The following SEMA3E variants were observed in gnomAD, a reference collection of about 807,000 sequenced individuals.
SEMA3E encodes the protein semaphorin-3E.
SEMA3E carries 49 observed loss-of-function variants against 93.6 expected under a neutral mutation model. The ratio of observed to expected loss-of-function variants is 0.52; its 90% CI spans 0.42 to 0.66. The LOEUF is 0.66. Ranked by LOEUF, SEMA3E falls within the 30% of genes least tolerant of loss-of-function variation. The probability of loss-of-function intolerance (pLI) is 0.00; values close to 1 mark genes in which losing one functional copy is unlikely to be tolerated. For missense variants in SEMA3E, 906 were observed against 964.8 expected, an observed-to-expected ratio of 0.94 and a Z score of 0.81; for synonymous variants, 363 against 330.7, an observed-to-expected ratio of 1.10 and a Z score of -1.06.
intron 4 of SEMA3E, among the ~76,000 whole-genome samples, chr7:83,428,516 AAAT>A (rs1788816753): frequency 2.0e-5 from 3 of 152,320 alleles, no homozygotes; most frequent in Middle Eastern, 3.4e-3. Context: ...TTAATTCTTT[AAAT>A]AATAGCTACA....
intron 1 of SEMA3E, among the ~76,000 whole-genome samples, chr7:83,549,903 T>G (rs1791724833): frequency 6.6e-6 from 1 of 152,088 alleles, no homozygotes; most frequent in South Asian, 2.1e-4. Context: ...AATAATCATA[T>G]TTAGGAGTTT....
intron 4 of SEMA3E, among the ~76,000 whole-genome samples, chr7:83,465,643 C>A (rs1210777971): frequency 6.6e-6 from 1 of 152,100 alleles, no homozygotes; most frequent in South Asian, 2.1e-4. Context: ...AGTCTAGCTG[C>A]TTAACAACAG....
At chr7:83,376,320 A>G (rs965394442) in intron 16 of SEMA3E, among the ~76,000 whole-genome samples, 2 of 152,082 alleles carry the variant, frequency 1.3e-5, no homozygotes, top group African/African-American at 4.8e-5. Context: ...TAACAAACAA[A>G]ATGGTAAAAT....
intron 16 of SEMA3E, among the ~76,000 whole-genome samples, chr7:83,368,943 C>T (rs1048522807): frequency 6.6e-6 from 1 of 152,064 alleles, no homozygotes; most frequent in Non-Finnish European, 1.5e-5. Flanking sequence ...TGTTTCTTGC[C>T]TTAGTTTTCT....
At position 83,435,381 on chromosome 7, in the gene SEMA3E, G is replaced by T. The variant is rs140792085; in HGVS notation, c.457-16898C>A. Among the ~76,000 whole-genome samples, 416 of 152,188 alleles carry T rather than the reference G, an allele frequency of 2.7e-3. 2 individuals carry two copies. The highest frequency in any genetic ancestry group is 8.3e-3 in the African/African-American group (345 of 41,540). ...GGCCAAGGCAGGCAGATCACCTGAG[G>T]TCAGGAGTTCGAGACCAGCCTGGCC... On this transcript the variant is annotated intron_variant, in intron 4 of 16. Coordinates refer to ENST00000643230, the MANE Select transcript of SEMA3E (RefSeq NM_012431.3).
chr7:83,512,611 A>G (rs1790847507), intron 1 of SEMA3E, among the ~76,000 whole-genome samples: 1 of 152,214 alleles, frequency 6.6e-6, no homozygotes, highest in African/African-American at 2.4e-5. Context: ...GTTTAACATT[A>G]ATTTGCACTT....
chr7:83,523,809 G>T (rs1052593760), intron 1 of SEMA3E, among the ~76,000 whole-genome samples: 1 of 151,850 alleles, frequency 6.6e-6, no homozygotes, highest in South Asian at 2.1e-4. Context: ...TAATATACAC[G>T]TATTTTTCTT....
At chr7:83,428,153 T>C (rs1030453383) in intron 4 of SEMA3E, among the ~76,000 whole-genome samples, 1 of 152,348 alleles carries the variant, frequency 6.6e-6, no homozygotes, top group South Asian at 2.1e-4. Flanking sequence ...GAACCCAGAA[T>C]GTCTGTGGTA....
intron 1 of SEMA3E, among the ~76,000 whole-genome samples, chr7:83,508,021 AT>A (rs1226494531): frequency 1.2e-4 from 18 of 152,128 alleles, no homozygotes; most frequent in Admixed American, 9.8e-4. Context: ...AGTACTAAAA[AT>A]AATATAAATT....
chr7:83,433,602 A>G (rs563874379), intron 4 of SEMA3E, among the ~76,000 whole-genome samples: 1 of 152,266 alleles, frequency 6.6e-6, no homozygotes, highest in Admixed American at 6.5e-5. Context: ...CTATTCCATA[A>G]AAATATATCT....
At chr7:83,627,726 G>A (rs566044474) in intron 1 of SEMA3E, among the ~76,000 whole-genome samples, 1 of 145,050 alleles carries the variant, frequency 6.9e-6, no homozygotes, top group Non-Finnish European at 1.5e-5. Flanking sequence ...ATGTGAGATA[G>A]GTCTCCTGAA....
intron 1 of SEMA3E, among the ~76,000 whole-genome samples, chr7:83,513,208 A>G (rs1790859148): frequency 6.6e-6 from 1 of 152,180 alleles, no homozygotes; most frequent in Admixed American, 6.6e-5. Flanking sequence ...CCAGCTTTCT[A>G]GTTTTCAGGC....
intron 1 of SEMA3E, among the ~76,000 whole-genome samples, chr7:83,612,117 T>C (rs1793278829): frequency 6.6e-6 from 1 of 152,118 alleles, no homozygotes; most frequent in South Asian, 2.1e-4. Flanking sequence ...TATCACCTTA[T>C]CAGAGACTCC....
intron 4 of SEMA3E, among the ~76,000 whole-genome samples, chr7:83,462,422 G>A (rs888666040): frequency 6.6e-6 from 1 of 151,910 alleles, no homozygotes; most frequent in Non-Finnish European, 1.5e-5. Context: ...TCCCTTATTA[G>A]GCTGAGACAC....
At chr7:83,494,731 T>G (rs575726474) in intron 1 of SEMA3E, among the ~76,000 whole-genome samples, 113 of 152,060 alleles carry the variant, frequency 7.4e-4, no homozygotes, top group Middle Eastern at 3.4e-3. Flanking sequence ...TATTATTTAG[T>G]TTGTTCATGG....
chr7:83,448,686 C>T (rs1789288605), intron 4 of SEMA3E, among the ~76,000 whole-genome samples: 1 of 152,112 alleles, frequency 6.6e-6, no homozygotes, highest in South Asian at 2.1e-4. Context: ...AATTTGAAAA[C>T]CGAATCTGAT....
chr7:83,383,123 G>A (rs917871402), intron 16 of SEMA3E, among the ~76,000 whole-genome samples: 1 of 151,788 alleles, frequency 6.6e-6, no homozygotes, highest in Non-Finnish European at 1.5e-5. Context: ...GATGAACCCT[G>A]ATGAGCATCG....
At chr7:83,467,793 C>T (rs1054144106) in intron 3 of SEMA3E, among the ~76,000 whole-genome samples, 4 of 152,160 alleles carry the variant, frequency 2.6e-5, no homozygotes, top group South Asian at 2.1e-4. Context: ...TTACGCATCT[C>T]GGCATTTCCC....
chr7:83,572,319 C>T (rs1272104121), intron 1 of SEMA3E, among the ~76,000 whole-genome samples: 1 of 152,112 alleles, frequency 6.6e-6, no homozygotes, highest in Non-Finnish European at 1.5e-5. Context: ...TACCAGACTT[C>T]AAACTGTACC....
Sources: allele counts gnomAD v4.1 joint callset (sites outside exome capture counted in the v4.1 genomes callset), GRCh38; gene constraint gnomAD v4.1.1; transcripts MANE v1.5; gene names NCBI Gene and HGNC (gene_info 2026-07-23, HGNC 2026-07-21).